The following TMX1 variants were observed in gnomAD, a reference collection of about 807,000 sequenced individuals.
The protein encoded by TMX1 is thioredoxin related transmembrane protein 1.
In TMX1, 25 loss-of-function variants were observed where a neutral mutation model predicts 36.6. That is an observed-to-expected ratio of 0.68 (90% confidence interval 0.50 to 0.95). The LOEUF is 0.95. Ranked by LOEUF, TMX1 falls within the 40% of genes least tolerant of loss-of-function variation. The probability of loss-of-function intolerance (pLI) is 0.00; values close to 1 mark genes in which losing one functional copy is unlikely to be tolerated. For missense variants in TMX1, 347 were observed against 339.6 expected (o/e 1.02, Z -0.17); for synonymous variants, 133 against 118.0 (o/e 1.13, Z -0.82).
chr14:51,255,790 AG>A lies in TMX1; in HGVS notation c.*1276del, dbSNP rs1313457229. The A allele has an allele frequency of 6.6e-6, 1 of 152,160 alleles. No individual in the cohort carries two copies. The highest frequency in any genetic ancestry group is 1.5e-5 in the Non-Finnish European group (1 of 67,958). The allele number at this position is 152,160 out of a possible 1,614,324, so 9.4% of individuals were successfully genotyped here. On this transcript the variant is annotated 3_prime_UTR_variant, in exon 8 of 8. Transcript: ENST00000457354. ...AATACATAGTTTTCACCTTAAAAGA[AG>A]GGGGAAAATCATAAATACAATGAAT...
intron 1 of TMX1, among the ~76,000 whole-genome samples, chr14:51,240,807 C>T (rs1486665440): frequency 2.0e-5 from 3 of 152,180 alleles, no homozygotes; most frequent in Admixed American, 2.0e-4. Context: ...AGTGATTCTT[C>T]ACAGACTTCT....
intron 1 of TMX1, among the ~76,000 whole-genome samples, chr14:51,242,004 C>G (rs1055116331): frequency 1.3e-5 from 2 of 152,128 alleles, no homozygotes; most frequent in African/African-American, 4.8e-5. Context: ...TGGCACGCGC[C>G]TGTAGTCCCA....
chr14:51,250,927 A>C (rs2065809331), intron 7 of TMX1, among the ~76,000 whole-genome samples: 1 of 152,194 alleles, frequency 6.6e-6, no homozygotes, highest in African/African-American at 2.4e-5. Flanking sequence ...CATTGATACT[A>C]AAAAGGACAT....
chr14:51,240,871 C>T (rs962507528), intron 1 of TMX1, among the ~76,000 whole-genome samples: 4 of 152,066 alleles, frequency 2.6e-5, no homozygotes, highest in African/African-American at 9.7e-5. Context: ...AATTTCTCCT[C>T]TCGTTTTGTC....
At chr14:51,245,677 G>C (rs2065782494) in intron 3 of TMX1, 1 of 398,576 alleles carries the variant, frequency 2.5e-6, no homozygotes, top group East Asian at 5.8e-5. Context: ...TTGGATAAAG[G>C]AGAAATCACA....
Position 51,243,897 on chromosome 14 carries a change from A to G in TMX1, c.194A>G (p.Glu65Gly), listed in dbSNP as rs1350517419. 2 of 1,611,584 alleles carry G rather than the reference A, an allele frequency of 1.2e-6. No individual in the cohort carries two copies. Among genetic ancestry groups the G allele is most frequent in the Admixed American group, 1.7e-5 (1 of 59,752 alleles). ...WCPACQNLQP[E>G]WESFAEWGED... ...CCTGCTTGTCAAAATCTTCAACCGGAATGGGAAAGTTTTGCTGAATGGGGA... is the reference window on the plus strand; with the variant it reads ...CCTGCTTGTCAAAATCTTCAACCGGGATGGGAAAGTTTTGCTGAATGGGGA... Residue 65 changes from glutamate (E) to glycine (G), a missense_variant, in exon 2 of 8, where the codon GAA becomes GGA. By Grantham distance (98) the Glu-to-Gly change is moderately conservative (BLOSUM62 -2). Transcript: ENST00000457354.
At chr14:51,247,933 C>T (rs534275365) in intron 4 of TMX1, among the ~76,000 whole-genome samples, 1 of 152,302 alleles carries the variant, frequency 6.6e-6, no homozygotes, top group South Asian at 2.1e-4. Flanking sequence ...AATGTTCTGT[C>T]TCCATAGAGA....
Position 51,254,570 on chromosome 14 carries a change from TG to T in TMX1, c.*52del. On this transcript the variant is annotated 3_prime_UTR_variant, in exon 8 of 8. Transcript: ENST00000457354. ...TATGATTTTGATAAAAACAGAAGATTGATCATTTTGTTTGGTTTGAAGTGAA... is the reference window on the plus strand; with the variant it reads ...TATGATTTTGATAAAAACAGAAGATTATCATTTTGTTTGGTTTGAAGTGAA... 1 of 1,513,338 alleles carries T rather than the reference TG, an allele frequency of 6.6e-7. No individual in the cohort carries two copies. The highest frequency in any genetic ancestry group is 2.2e-5 in the Admixed American group (1 of 44,588). 93.7% of individuals were successfully genotyped at this position (1,513,338 alleles called of 1,614,324 possible).
intron 4 of TMX1, among the ~76,000 whole-genome samples, chr14:51,247,547 C>T (rs920763393): frequency 6.6e-6 from 1 of 151,966 alleles, no homozygotes; most frequent in Admixed American, 6.6e-5. Flanking sequence ...TTAGTAGAGA[C>T]GGGGTTTCAC....
rs772687336 is a variant in TMX1 at position 51,254,423 on chromosome 14, A to G, written c.747A>G (p.Glu249=). 6.2e-7 allele frequency: 1 copy of G among 1,612,644 alleles called. No homozygotes were observed. Among genetic ancestry groups the G allele is most frequent in the East Asian group, 2.2e-5 (1 of 44,758 alleles). Residue 249 remains glutamate, a synonymous_variant, in exon 8 of 8, where the codon GAA becomes GAG. Transcript: ENST00000457354. ...QEADEEDVSE[E]EAESKEGTNK... is the part of the protein sequence containing the mutation. ...CGGATGAAGAAGATGTTTCAGAAGA[A>G]GAAGCTGAAAGTAAAGAAGGAACAA...
chr14:51,254,771 G>A lies in TMX1; in HGVS notation c.*252G>A. ...AATCGTGCCAAGCAATAAGATTTATGTATATTTGTTTAATAATAACCTATT... is the reference window on the plus strand; with the variant it reads ...AATCGTGCCAAGCAATAAGATTTATATATATTTGTTTAATAATAACCTATT... On this transcript the variant is annotated 3_prime_UTR_variant, in exon 8 of 8. Coordinates refer to ENST00000457354, the MANE Select transcript of TMX1 (RefSeq NM_030755.5). 3.5e-6 allele frequency: 1 copy of A among 286,514 alleles called. No homozygotes were observed. 17.7% of individuals were successfully genotyped at this position (286,514 alleles called of 1,614,324 possible).
chr14:51,247,079 T>C lies in TMX1; in HGVS notation c.315-13T>C, dbSNP rs1231430756. On this transcript the variant is annotated splice_polypyrimidine_tract_variant and intron_variant, in intron 3 of 7. Coordinates refer to ENST00000457354, the MANE Select transcript of TMX1 (RefSeq NM_030755.5). Reference sequence around the variant, plus strand: ...CTCAGTGCTGGATAATATTTAATTCTGATTCTCTTTAGTTGTAAAGATGGT... The same window carrying C: ...CTCAGTGCTGGATAATATTTAATTCCGATTCTCTTTAGTTGTAAAGATGGT... 8 of 1,597,094 alleles carry C rather than the reference T, an allele frequency of 5.0e-6. No individual in the cohort carries two copies. The highest frequency in any genetic ancestry group is 6.8e-6 in the Non-Finnish European group (8 of 1,174,386).
At chr14:51,247,504 C>T (rs1243459230) in intron 4 of TMX1, among the ~76,000 whole-genome samples, 1 of 151,604 alleles carries the variant, frequency 6.6e-6, no homozygotes, top group East Asian at 1.9e-4. Flanking sequence ...CTACAGGTGC[C>T]CACCGCCACA....
At chr14:51,245,811 T>C (rs1251933874) in intron 3 of TMX1, 1 of 271,958 alleles carries the variant, frequency 3.7e-6, no homozygotes, top group Admixed American at 5.0e-5. Flanking sequence ...AACAGGAACA[T>C]GTTATGTCCA....
chr14:51,245,114 T>A (rs1424765632), intron 2 of TMX1, among the ~76,000 whole-genome samples, 199 bp from the exon 3 acceptor site: 1 of 152,210 alleles, frequency 6.6e-6, no homozygotes, highest in Non-Finnish European at 1.5e-5. Context: ...ACTTTTTAAC[T>A]GAGATAATGT....
At chr14:51,247,352 A>ATTTTTTT (rs35852707) in intron 4 of TMX1, 132 bp downstream of exon 4, 28 of 301,178 alleles carry the variant, frequency 9.3e-5, no homozygotes, top group African/African-American at 1.4e-4. Context: ...TACATGTTTG[A>ATTTTTTT]TTTTTTTTTT....
rs144060255 is a variant in TMX1, at chr14:51,257,496, G to A, written c.*2977G>A. The A allele has an allele frequency of 9.6e-4, 146 of 152,244 alleles. No individual in the cohort carries two copies. The highest frequency in any genetic ancestry group is 3.4e-3 in the Middle Eastern group (1 of 294). The allele number at this position is 152,244 out of a possible 1,614,324, so 9.4% of individuals were successfully genotyped here. ...TATTTCAGTTGGACTTATTAAATGA[G>A]TGGTTTTGCTGAGTGTATGAGTCTA... is the stretch of plus-strand genomic sequence containing the variant. On this transcript the variant is annotated 3_prime_UTR_variant, in exon 8 of 8. Coordinates refer to ENST00000457354, the MANE Select transcript of TMX1 (RefSeq NM_030755.5).
intron 7 of TMX1, 60 bp downstream of exon 7, chr14:51,249,825 C>A: frequency 7.8e-7 from 1 of 1,284,030 alleles, no homozygotes; most frequent in Admixed American, 2.3e-5. Flanking sequence ...TTTCTGTAAT[C>A]ACAATCACAC....
rs1234215461 is a variant in TMX1 at position 51,255,321 on chromosome 14, C to G, written c.*802C>G. ...TGAGAGATCCATCAAATTGAACAAT[C>G]TGTTGTAATTTAAAATTTTGGCCAC... is the stretch of plus-strand genomic sequence containing the variant. On this transcript the variant is annotated 3_prime_UTR_variant, in exon 8 of 8. Coordinates refer to ENST00000457354, the MANE Select transcript of TMX1 (RefSeq NM_030755.5). 1 of 150,798 alleles carries G rather than the reference C, an allele frequency of 6.6e-6. No individual in the cohort carries two copies. The highest frequency in any genetic ancestry group is 2.4e-5 in the African/African-American group (1 of 41,104). The allele number at this position is 150,798 out of a possible 1,614,324, so 9.3% of individuals were successfully genotyped here.
Sources: gnomAD v4.1 joint callset for allele counts (sites outside exome capture counted in the v4.1 genomes callset) on GRCh38, gnomAD v4.1.1 for gene constraint, MANE v1.5 for transcripts, NCBI Gene and HGNC (gene_info 2026-07-23, HGNC 2026-07-21) for gene names.